ADCY8: variants seen among roughly 807,000 people sequenced by gnomAD.
ADCY8 encodes adenylate cyclase 8.
ADCY8 carries 51 observed loss-of-function variants against 119.7 expected under a neutral mutation model. That is an observed-to-expected ratio of 0.43 (90% CI 0.34 to 0.54). The LOEUF is 0.54. Among genes scored for constraint, ADCY8 ranks in the 20% least tolerant of loss-of-function variants. The pLI is 0.03. For synonymous variants in ADCY8, 665 were observed against 651.0 expected, an observed-to-expected ratio of 1.02 and a Z score of -0.33; for missense variants, 1,383 against 1,598.8, an observed-to-expected ratio of 0.87 and a Z score of 2.30.
At chr8:130,989,524 A>C (rs1398357096) in intron 2 of ADCY8, among the ~76,000 whole-genome samples, 3 of 152,228 alleles carry the variant, frequency 2.0e-5, no homozygotes, top group Non-Finnish European at 4.4e-5. Flanking sequence ...AGTTAAAAAA[A>C]GGTCTAGGAT....
intron 9 of ADCY8, among the ~76,000 whole-genome samples, chr8:130,862,525 G>T (rs1223411486): frequency 6.6e-6 from 1 of 152,076 alleles, no homozygotes; most frequent in Non-Finnish European, 1.5e-5. Context: ...CCATTCTCCT[G>T]CCTCAGCCTC....
intron 8 of ADCY8, among the ~76,000 whole-genome samples, chr8:130,882,674 G>A (rs1220012511): frequency 6.6e-6 from 1 of 152,170 alleles, no homozygotes; most frequent in African/African-American, 2.4e-5. Flanking sequence ...AGTATAAAAT[G>A]AAGCTCATAA....
chr8:130,849,847 T>C (rs1368726822), intron 9 of ADCY8, 44 bp from the exon 10 acceptor site: 1 of 1,535,796 alleles, frequency 6.5e-7, no homozygotes, highest in Non-Finnish European at 8.9e-7. Flanking sequence ...ATCAATTGTC[T>C]GAGCAACACT....
At chr8:130,881,846 T>C (rs1011092411) in intron 8 of ADCY8, among the ~76,000 whole-genome samples, 8 of 132,414 alleles carry the variant, frequency 6.0e-5, no homozygotes, top group African/African-American at 2.1e-4. Context: ...AATTCTCTGA[T>C]AATTTTTTTT....
chr8:130,849,705 A>C lies in ADCY8; in HGVS notation c.2309T>G (p.Ile770Ser), dbSNP rs1285067442. The C allele has an allele frequency of 3.1e-6, 5 of 1,614,008 alleles. No individual in the cohort carries two copies. Among genetic ancestry groups the C allele is most frequent in the Non-Finnish European group, 4.2e-6 (5 of 1,179,926 alleles). Residue 770 changes from isoleucine to serine, a missense_variant, in exon 10 of 18, where the codon ATC becomes AGC. Ile to Ser is a moderately radical substitution (Grantham distance 142). Coordinates refer to ENST00000286355, the MANE Select transcript of ADCY8 (RefSeq NM_001115.3). ...AATCCAACAGCAAGTTTTCCGGAGGATGAGGGGCAAACATTTATAATCCTC... is the reference window on the plus strand; with the variant it reads ...AATCCAACAGCAAGTTTTCCGGAGGCTGAGGGGCAAACATTTATAATCCTC... ...TAEDYKCLPL[I>S]LRKTCCWINE...
intron 8 of ADCY8, among the ~76,000 whole-genome samples, chr8:130,871,533 A>C (rs1360156974): frequency 6.6e-6 from 1 of 152,206 alleles, no homozygotes; most frequent in Non-Finnish European, 1.5e-5. Flanking sequence ...AGTGCCTTCC[A>C]CGATAATCCT....
rs566429365 is a variant in ADCY8, at chr8:130,794,833, C to T, written c.3060+5593G>A. ...GTATCTCATTTTGTAGATGGGAAAACTGAGGTGCATAGAGGGATTAAATAA... is the reference window on the plus strand; with the variant it reads ...GTATCTCATTTTGTAGATGGGAAAATTGAGGTGCATAGAGGGATTAAATAA... On this transcript the variant is annotated intron_variant, in intron 15 of 17. Transcript: ENST00000286355. Among the ~76,000 whole-genome samples, 25 of 152,266 alleles carry T rather than the reference C, an allele frequency of 1.6e-4. No homozygotes were observed. In the South Asian group the frequency reaches 5.0e-3, roughly 30 times the overall value.
intron 3 of ADCY8, among the ~76,000 whole-genome samples, chr8:130,948,213 AG>A (rs1249460348): frequency 6.6e-6 from 1 of 152,216 alleles, no homozygotes. Context: ...TGAAATTGAA[AG>A]GGTATTTGAA....
intron 4 of ADCY8, among the ~76,000 whole-genome samples, chr8:130,938,364 T>C (rs539296271): frequency 6.6e-6 from 1 of 152,292 alleles, no homozygotes; most frequent in South Asian, 2.1e-4. Flanking sequence ...ACTCCAGGCC[T>C]AGCTCCTTCA....
chr8:130,884,746 T>G lies in ADCY8; in HGVS notation c.1927A>C (p.Thr643Pro). 1 of 1,613,846 alleles carries G rather than the reference T, an allele frequency of 6.2e-7. No individual in the cohort carries two copies. The highest frequency in any genetic ancestry group is 8.5e-7 in the Non-Finnish European group (1 of 1,179,780). ...GGAAGCAGATTTATTGAATTTCTTGTTAGGGCAGCCAGAGTCTAGGGGGAA... is the reference window on the plus strand; with the variant it reads ...GGAAGCAGATTTATTGAATTTCTTGGTAGGGCAGCCAGAGTCTAGGGGGAA... ...VGKQNTLAAL[T>P]RNSINLLPNH... Residue 643 changes from threonine to proline, a missense_variant, in exon 8 of 18, where the codon ACA becomes CCA. Coordinates refer to ENST00000286355, the MANE Select transcript of ADCY8 (RefSeq NM_001115.3).
chr8:131,034,529 T>G (rs973764946), intron 1 of ADCY8, among the ~76,000 whole-genome samples: 4 of 152,174 alleles, frequency 2.6e-5, no homozygotes, highest in Admixed American at 2.0e-4. Context: ...TAAGTCAAGT[T>G]TAACAATCAT....
chr8:130,805,710 G>A (rs1815926843), intron 14 of ADCY8, among the ~76,000 whole-genome samples: 1 of 152,190 alleles, frequency 6.6e-6, no homozygotes, highest in Non-Finnish European at 1.5e-5. Flanking sequence ...GCATAAATGG[G>A]AACCTTTAGC....
intron 4 of ADCY8, among the ~76,000 whole-genome samples, chr8:130,940,921 T>C (rs1820936606): frequency 1.3e-5 from 2 of 152,210 alleles, no homozygotes; most frequent in Non-Finnish European, 2.9e-5. Context: ...GATGGTTATA[T>C]TGTTCACAGG....
At position 130,881,453 on chromosome 8, in the gene ADCY8, C is replaced by T. The variant is rs193192306; in HGVS notation, c.2109+3111G>A. Among the ~76,000 whole-genome samples, 136 of 152,242 alleles carry T rather than the reference C, an allele frequency of 8.9e-4. No individual in the cohort carries two copies. In the South Asian group the frequency reaches 0.015, roughly 17 times the overall value. ...GGAAAGGCAAACGGGTTCCTATATT[C>T]ATTTGTCTTCTTATTGTTCAAACGG... is the stretch of plus-strand genomic sequence containing the variant. On this transcript the variant is annotated intron_variant, in intron 8 of 17. Coordinates refer to ENST00000286355, the MANE Select transcript of ADCY8 (RefSeq NM_001115.3).
chr8:130,912,572 C>G (rs1820014354), intron 5 of ADCY8, among the ~76,000 whole-genome samples: 1 of 152,138 alleles, frequency 6.6e-6, no homozygotes, highest in Non-Finnish European at 1.5e-5. Flanking sequence ...ATTCCATGTA[C>G]TCAATTGAAT....
intron 12 of ADCY8, among the ~76,000 whole-genome samples, chr8:130,828,532 G>A (rs1164696749): frequency 6.6e-6 from 1 of 152,142 alleles, no homozygotes; most frequent in Non-Finnish European, 1.5e-5. Context: ...AAGGTTAACA[G>A]TGCCACCTAG....
Position 130,783,673 on chromosome 8 carries a change from CCTGCAG to C in ADCY8, c.3268+12_3268+17del. Reference sequence around the variant, plus strand: ...GGTCAGCTGGCTCTATCAGGCCCCACCTGCAGCTGCTACTCACCAATCCGGAGTTCA... The same window carrying C: ...GGTCAGCTGGCTCTATCAGGCCCCACCTGCTACTCACCAATCCGGAGTTCA... On this transcript the variant is annotated intron_variant, in intron 17 of 17. Transcript: ENST00000286355. The C allele has an allele frequency of 6.3e-7, 1 of 1,590,988 alleles. No individual in the cohort carries two copies. Among genetic ancestry groups the C allele is most frequent in the Non-Finnish European group, 8.6e-7 (1 of 1,161,848 alleles).
chr8:130,977,199 A>G (rs1359466494), intron 2 of ADCY8, among the ~76,000 whole-genome samples: 1 of 152,190 alleles, frequency 6.6e-6, no homozygotes, highest in African/African-American at 2.4e-5. Context: ...GCCTTTAATA[A>G]ATGGAATTGT....
intron 5 of ADCY8, among the ~76,000 whole-genome samples, chr8:130,917,827 G>A (rs564722359): frequency 2.6e-5 from 4 of 151,418 alleles, no homozygotes; most frequent in African/African-American, 7.3e-5. Context: ...TTTTATTCCC[G>A]TTAATTTCCT....
Sources: gnomAD v4.1 joint callset for allele counts (sites outside exome capture counted in the v4.1 genomes callset) on GRCh38, gnomAD v4.1.1 for gene constraint, MANE v1.5 for transcripts, NCBI Gene and HGNC (gene_info 2026-07-23, HGNC 2026-07-21) for gene names.